The following SUZ12 variants were observed in gnomAD, a reference collection of about 807,000 sequenced individuals.
SUZ12 encodes SUZ12 polycomb repressive complex 2 subunit, also known as polycomb protein SUZ12.
Under a neutral mutation model 87.3 loss-of-function variants are expected in SUZ12, and 17 were observed. The observed-to-expected ratio is 0.19, with a 90% CI of 0.13 to 0.29. The LOEUF (loss-of-function observed/expected upper bound fraction) is 0.29. SUZ12 is among the 10% of genes least tolerant of loss of function. The pLI is 1.00. For synonymous variants in SUZ12, 253 were observed against 312.4 expected, an observed-to-expected ratio of 0.81 and a Z score of 2.01; for missense variants, 526 against 912.2, an observed-to-expected ratio of 0.58 and a Z score of 5.45.
chr17:31,974,195 G>C lies in SUZ12; in HGVS notation c.591+964G>C, dbSNP rs536844786. Among the ~76,000 whole-genome samples, 5 of 151,092 alleles carry C rather than the reference G, an allele frequency of 3.3e-5. No homozygotes were observed. The South Asian group carries it at 1.1e-3, about 32-fold the overall frequency. On this transcript the variant is annotated intron_variant, in intron 6 of 15. Coordinates refer to ENST00000322652, the MANE Select transcript of SUZ12 (RefSeq NM_015355.4). ...ACTGAGCTCCAGCCTGTGCGACAGAGTGAAACTGTCTCAAGAAAAAAAAAA... is the reference window on the plus strand; with the variant it reads ...ACTGAGCTCCAGCCTGTGCGACAGACTGAAACTGTCTCAAGAAAAAAAAAA...
At chr17:31,996,131 C>T (rs1487578493) in intron 14 of SUZ12, among the ~76,000 whole-genome samples, 3 of 151,992 alleles carry the variant, frequency 2.0e-5, no homozygotes, top group Non-Finnish European at 4.4e-5. Flanking sequence ...AGTCGCTTAA[C>T]CCCAGGAGAT....
intron 6 of SUZ12, among the ~76,000 whole-genome samples, chr17:31,974,106 C>G (rs1419511124): frequency 6.6e-6 from 1 of 151,990 alleles, no homozygotes; most frequent in East Asian, 1.9e-4. Flanking sequence ...GCCTGTAGTC[C>G]CAGCTACTCG....
At chr17:31,957,603 G>A (rs544409472) in intron 4 of SUZ12, among the ~76,000 whole-genome samples, 1 of 151,824 alleles carries the variant, frequency 6.6e-6, no homozygotes, top group Admixed American at 6.6e-5. Flanking sequence ...TAGAGACAGG[G>A]TTTCAACAGG....
chr17:31,988,822 A>G (rs997674213), intron 10 of SUZ12, among the ~76,000 whole-genome samples: 2 of 151,880 alleles, frequency 1.3e-5, no homozygotes, highest in Admixed American at 6.6e-5. Flanking sequence ...CTGTAATCTC[A>G]GCATTTGGGA....
At chr17:31,940,608 A>G in intron 3 of SUZ12, 122 bp downstream of exon 3, 1 of 1,431,936 alleles carries the variant, frequency 7.0e-7, no homozygotes, top group Admixed American at 2.9e-5. Context: ...CTAAAGATTT[A>G]AGATGAAAAC....
intron 13 of SUZ12, 66 bp from the exon 14 acceptor site, chr17:31,995,495 ACTC>A (rs1200804355): frequency 6.2e-6 from 8 of 1,282,810 alleles, no homozygotes; most frequent in Non-Finnish European, 7.9e-6. Flanking sequence ...ACAGATCTCA[ACTC>A]CTAGTCGTGA....
intron 13 of SUZ12, among the ~76,000 whole-genome samples, chr17:31,995,349 A>G (rs1290477410): frequency 6.6e-6 from 1 of 152,220 alleles, no homozygotes; most frequent in Non-Finnish European, 1.5e-5. Flanking sequence ...ACACCCAGAA[A>G]GACAGTTTGT....
chr17:31,964,401 C>T (rs1265129103), intron 4 of SUZ12, among the ~76,000 whole-genome samples: 1 of 149,244 alleles, frequency 6.7e-6, no homozygotes, highest in African/African-American at 2.5e-5. Context: ...TGTCAAAATC[C>T]CAACTCTGTA....
At chr17:31,952,585 T>C (rs1378899212) in intron 4 of SUZ12, among the ~76,000 whole-genome samples, 3 of 152,136 alleles carry the variant, frequency 2.0e-5, no homozygotes, top group African/African-American at 7.2e-5. Context: ...TTTTTTGAGA[T>C]GGAATGTGGC....
At chr17:31,942,213 G>A (rs950019722) in intron 3 of SUZ12, among the ~76,000 whole-genome samples, 1 of 152,046 alleles carries the variant, frequency 6.6e-6, no homozygotes, top group Admixed American at 6.6e-5. Flanking sequence ...AAAGGGCTCA[G>A]GGTAACTATA....
At chr17:31,975,822 C>T in intron 7 of SUZ12, 109 bp downstream of exon 7, 1 of 835,496 alleles carries the variant, frequency 1.2e-6, no homozygotes, top group Non-Finnish European at 1.8e-6. Flanking sequence ...TTAAAGCAAA[C>T]AGTGAATTCA....
At chr17:31,986,162 A>C (rs1450585072) in intron 9 of SUZ12, among the ~76,000 whole-genome samples, 1 of 151,898 alleles carries the variant, frequency 6.6e-6, no homozygotes, top group South Asian at 2.1e-4. Flanking sequence ...GGCTGGTCTC[A>C]AACTCCTGAC....
In SUZ12 at chr17:31,980,429, C is replaced by CTTTTTTTTTT. The variant is rs58491591; in HGVS notation, c.918-2542_918-2533dup. Among the ~76,000 whole-genome samples, 70 of 53,824 alleles carry CTTTTTTTTTT rather than the reference C, an allele frequency of 1.3e-3. 17 individuals carry two copies. In the East Asian group the frequency reaches 0.019, roughly 15 times the overall value. 35.3% of individuals were successfully genotyped at this position (53,824 alleles called of 152,430 possible). ...TAAGATATACCAGAATCACCTTCTC[C>CTTTTTTTTTT]TTTTTTTTTTTTTTTTTTTTTTTTT... On this transcript the variant is annotated intron_variant, in intron 8 of 15. Transcript: ENST00000322652.
chr17:31,993,736 A>C, intron 11 of SUZ12, 129 bp from the exon 12 acceptor site: 1 of 1,022,656 alleles, frequency 9.8e-7, no homozygotes, highest in South Asian at 1.7e-5. Context: ...GGCATATTTA[A>C]TTAAAGAGAA....
chr17:31,956,058 G>A (rs1407833427), intron 4 of SUZ12, among the ~76,000 whole-genome samples: 5 of 151,796 alleles, frequency 3.3e-5, no homozygotes, highest in Non-Finnish European at 5.9e-5. Context: ...GACTATAGGC[G>A]CCTGCCACCA....
At chr17:31,963,300 A>G (rs1192587614) in intron 4 of SUZ12, among the ~76,000 whole-genome samples, 1 of 152,026 alleles carries the variant, frequency 6.6e-6, no homozygotes, top group Non-Finnish European at 1.5e-5. Context: ...GCATGCCACA[A>G]CGCCTGGCTA....
chr17:31,970,204 G>T (rs531423940), intron 5 of SUZ12, among the ~76,000 whole-genome samples: 3 of 152,310 alleles, frequency 2.0e-5, no homozygotes, highest in Non-Finnish European at 4.4e-5. Context: ...AAATATTTTT[G>T]TTACTGCATT....
intron 1 of SUZ12, 77 bp downstream of exon 1, chr17:31,937,597 C>A: frequency 1.3e-6 from 2 of 1,513,250 alleles, no homozygotes; most frequent in Non-Finnish European, 1.8e-6. Context: ...GCTGGGCCCC[C>A]TTCCTCCTCG....
chr17:31,975,177 A>G (rs1192410085), intron 6 of SUZ12, among the ~76,000 whole-genome samples: 1 of 152,190 alleles, frequency 6.6e-6, no homozygotes, highest in African/African-American at 2.4e-5. Context: ...GAGATTTAGC[A>G]TGCTTTTAGT....
Sources: gnomAD v4.1 joint callset for allele counts (sites outside exome capture counted in the v4.1 genomes callset) on GRCh38, gnomAD v4.1.1 for gene constraint, MANE v1.5 for transcripts, NCBI Gene and HGNC (gene_info 2026-07-23, HGNC 2026-07-21) for gene names.